The following CHSY3 variants were observed in gnomAD, a reference collection of about 807,000 sequenced individuals.
CHSY3 encodes chondroitin sulfate synthase 3, also known as N-acetylgalactosaminyl-proteoglycan 3-beta-glucuronosyltransferase 3.
Under a neutral mutation model 67.2 loss-of-function variants are expected in CHSY3, and 35 were observed. The ratio of observed to expected loss-of-function variants is 0.52; its 90% CI spans 0.40 to 0.69. The LOEUF is 0.69. Among genes scored for constraint, CHSY3 ranks in the 30% least tolerant of loss-of-function variants. The pLI is 0.00. For synonymous variants in CHSY3, 474 were observed against 434.7 expected (o/e 1.09, Z -1.12); for missense variants, 1,069 against 1,138.5 (o/e 0.94, Z 0.88).
chr5:130,140,561 C>A, intron 2 of CHSY3: 1 of 571,004 alleles, frequency 1.8e-6, no homozygotes, highest in Non-Finnish European at 3.0e-6. Context: ...ACTGCTGCTG[C>A]TACTGCTTAT....
chr5:130,121,494 G>T (rs73785897), intron 2 of CHSY3, among the ~76,000 whole-genome samples: 39 of 152,222 alleles, frequency 2.6e-4, no homozygotes, highest in African/African-American at 9.4e-4. Context: ...GGAGCTTCCT[G>T]CACTTCTCCT....
At position 130,143,808 on chromosome 5, in the gene CHSY3, G is replaced by GTA. The variant is rs1480395759; in HGVS notation, c.1087-40420_1087-40419insAT. On this transcript the variant is annotated intron_variant, in intron 2 of 2. Coordinates refer to ENST00000305031, the MANE Select transcript of CHSY3 (RefSeq NM_175856.5). The stretch of plus-strand genomic sequence containing the variant: ...TGTATATATATATATATATATATGT[G>GTA]TGTATATATATATATATATATATAT... Among the ~76,000 whole-genome samples the GTA allele has an allele frequency of 2.0e-3, 68 of 34,052 alleles. 1 individual carries two copies. The highest frequency in any genetic ancestry group is 5.0e-3 in the African/African-American group (47 of 9,426). The allele number at this position is 34,052 out of a possible 152,430, so 22.3% of individuals were successfully genotyped here. A position where few individuals can be genotyped will look rare whatever the true frequency, so the allele number is the denominator to read the frequency against.
chr5:130,113,575 C>T (rs928917544), intron 2 of CHSY3, among the ~76,000 whole-genome samples: 3 of 152,122 alleles, frequency 2.0e-5, no homozygotes, highest in African/African-American at 7.2e-5. Flanking sequence ...TATTCTGGGA[C>T]TTGGCACAGA....
intron 2 of CHSY3, among the ~76,000 whole-genome samples, chr5:130,020,343 C>G (rs1426471907): frequency 1.3e-5 from 2 of 150,196 alleles, no homozygotes; most frequent in Non-Finnish European, 3.0e-5. Context: ...TTGCTGGAAC[C>G]TGGGGGGCAG....
In CHSY3 at chr5:130,143,810, G is replaced by GTGTATATATA. The variant is rs1469625551; in HGVS notation, c.1087-40418_1087-40417insGTATATATAT. On this transcript the variant is annotated intron_variant, in intron 2 of 2. Transcript: ENST00000305031. ...TATATATATATATATATATATGTGT[G>GTGTATATATA]TATATATATATATATATATATATAT... 1.6e-3 allele frequency among the ~76,000 whole-genome samples: 92 copies of GTGTATATATA among 56,478 alleles called. 3 individuals carry two copies. Among genetic ancestry groups the GTGTATATATA allele is most frequent in the Middle Eastern group, 0.019 (1 of 54 alleles). The allele number at this position is 56,478 out of a possible 152,430, so 37.1% of individuals were successfully genotyped here. A position where few individuals can be genotyped will look rare whatever the true frequency, so the allele number is the denominator to read the frequency against.
intron 2 of CHSY3, among the ~76,000 whole-genome samples, chr5:130,172,683 G>T (rs906825507): frequency 1.3e-5 from 2 of 152,088 alleles, no homozygotes; most frequent in African/African-American, 4.8e-5. Context: ...ATATTAATGT[G>T]CTACGCAATG....
chr5:129,996,316 A>G (rs1763536215), intron 2 of CHSY3, among the ~76,000 whole-genome samples: 1 of 152,096 alleles, frequency 6.6e-6, no homozygotes, highest in South Asian at 2.1e-4. Context: ...TTTAGTGCTT[A>G]TGGAATAGCT....
At chr5:129,951,028 T>G (rs938528030) in intron 2 of CHSY3, among the ~76,000 whole-genome samples, 1 of 152,174 alleles carries the variant, frequency 6.6e-6, no homozygotes, top group Non-Finnish European at 1.5e-5. Flanking sequence ...AGTGTAGTAC[T>G]GGCATAAAAG....
intron 2 of CHSY3, among the ~76,000 whole-genome samples, chr5:130,183,328 C>T (rs1402475174): frequency 6.6e-6 from 1 of 152,078 alleles, no homozygotes; most frequent in African/African-American, 2.4e-5. Flanking sequence ...GGATGTCAAG[C>T]ATGTCTATTT....
intron 2 of CHSY3, among the ~76,000 whole-genome samples, chr5:130,005,674 A>G (rs1273842225): frequency 6.6e-6 from 1 of 152,202 alleles, no homozygotes; most frequent in African/African-American, 2.4e-5. Flanking sequence ...AAGTACTTGA[A>G]TAAGATGATT....
At chr5:130,141,703 A>C (rs1407715062) in intron 2 of CHSY3, 1 of 521,564 alleles carries the variant, frequency 1.9e-6, no homozygotes, top group Non-Finnish European at 3.8e-6. Flanking sequence ...TCAAGGCAAG[A>C]TTAACGTTGA....
intron 2 of CHSY3, among the ~76,000 whole-genome samples, chr5:129,996,675 A>G (rs1428557344): frequency 1.3e-5 from 2 of 152,132 alleles, no homozygotes; most frequent in African/African-American, 4.8e-5. Flanking sequence ...AATCAGGCTG[A>G]GTGCTTCAAA....
rs544453233 is a variant in CHSY3, at chr5:129,944,218, A to G, written c.1086+35858A>G. Among the ~76,000 whole-genome samples, 7 of 152,328 alleles carry G rather than the reference A, an allele frequency of 4.6e-5. No homozygotes were observed. In the South Asian group the frequency reaches 1.4e-3, roughly 32 times the overall value. ...ACAGAGATAAGTGACCCATCTGAAC[A>G]TCCATGAGTTTACTGGTAGGTGGAA... On this transcript the variant is annotated intron_variant, in intron 2 of 2. Coordinates refer to ENST00000305031, the MANE Select transcript of CHSY3 (RefSeq NM_175856.5).
intron 2 of CHSY3, among the ~76,000 whole-genome samples, chr5:130,082,555 G>A (rs1159995348): frequency 6.6e-6 from 1 of 151,962 alleles, no homozygotes; most frequent in Non-Finnish European, 1.5e-5. Context: ...GAGTTTATCT[G>A]AATAAATATC....
chr5:129,989,760 G>T (rs535761655), intron 2 of CHSY3, among the ~76,000 whole-genome samples: 42 of 152,244 alleles, frequency 2.8e-4, no homozygotes, highest in Admixed American at 7.2e-4. Flanking sequence ...TCATAAAATG[G>T]TGATAATTAT....
At chr5:130,119,207 A>G (rs183640694) in intron 2 of CHSY3, among the ~76,000 whole-genome samples, 2 of 152,220 alleles carry the variant, frequency 1.3e-5, no homozygotes, top group Non-Finnish European at 2.9e-5. Flanking sequence ...GTAGATATCC[A>G]GAACTCCAAC....
intron 2 of CHSY3, among the ~76,000 whole-genome samples, chr5:130,121,343 A>C (rs1768016592): frequency 6.6e-6 from 1 of 152,246 alleles, no homozygotes; most frequent in African/African-American, 2.4e-5. Context: ...TTTCATACAC[A>C]CTAGAGACCT....
At chr5:129,975,329 A>G (rs377483563) in intron 2 of CHSY3, among the ~76,000 whole-genome samples, 1 of 152,210 alleles carries the variant, frequency 6.6e-6, no homozygotes, top group Non-Finnish European at 1.5e-5. Flanking sequence ...ACTATATGTA[A>G]TTATTATTTT....
intron 2 of CHSY3, among the ~76,000 whole-genome samples, chr5:130,083,894 G>A (rs1405121698): frequency 6.6e-6 from 1 of 151,288 alleles, no homozygotes; most frequent in Non-Finnish European, 1.5e-5. Context: ...TGGTCTTTCT[G>A]TTTTCTTTTT....
Sources: allele counts gnomAD v4.1 joint callset (sites outside exome capture counted in the v4.1 genomes callset), GRCh38; gene constraint gnomAD v4.1.1; transcripts MANE v1.5; gene names NCBI Gene and HGNC (gene_info 2026-07-23, HGNC 2026-07-21).